The following SYNE1 variants were observed in gnomAD, a reference collection of about 807,000 sequenced individuals.
SYNE1 encodes spectrin repeat containing nuclear envelope protein 1.
A neutral mutation model predicts 1,111.0 loss-of-function variants in SYNE1; 616 were observed. That is an observed-to-expected ratio of 0.55 (90% CI 0.52 to 0.59). The LOEUF (loss-of-function observed/expected upper bound fraction) is 0.59, where lower values mean the gene tolerates loss of function less well. Among genes scored for constraint, SYNE1 ranks in the 20% least tolerant of loss-of-function variants. The pLI is 0.00. For missense variants in SYNE1, 10,006 were observed against 10,417.0 expected (o/e 0.96, Z 1.72); for synonymous variants, 3,855 against 3,825.8 (o/e 1.01, Z -0.28).
Position 152,413,462 on chromosome 6 carries a change from G to T in SYNE1, c.6120C>A (p.Asp2040Glu), listed in dbSNP as rs758366100. 8.7e-6 allele frequency: 14 copies of T among 1,614,120 alleles called. No individual in the cohort carries two copies. The highest frequency in any genetic ancestry group is 1.1e-5 in the Non-Finnish European group (13 of 1,180,014). The change falls in exon 42 of 146, where the codon GAC becomes GAA. Residue 2040 changes from aspartate (D) to glutamate (E), a missense_variant. This residue lies in a region of SYNE1 where 4,955 missense variants were observed against 5,017.2 expected (regional missense o/e 0.99). Coordinates refer to ENST00000367255, the MANE Select transcript of SYNE1 (RefSeq NM_182961.4). The stretch of plus-strand genomic sequence containing the variant: ...CTTTCTGGGCAATTTGCTTGGCTTT[G>T]TCTTTCAACCAACATAGTTCATGCT... ...SHEHELCWLK[D>E]KAKQIAQKDV...
chr6:152,591,720 G>A (rs962472294), intron 3 of SYNE1, among the ~76,000 whole-genome samples: 1 of 151,942 alleles, frequency 6.6e-6, no homozygotes, highest in Non-Finnish European at 1.5e-5. Flanking sequence ...AGAGCAAACA[G>A]GCATCCTACA....
chr6:152,593,615 A>G (rs2128546445), intron 3 of SYNE1, among the ~76,000 whole-genome samples: 1 of 151,842 alleles, frequency 6.6e-6, no homozygotes. Flanking sequence ...GACATAGAGG[A>G]CGGAAAACAT....
chr6:152,381,387 ACTG>A, intron 55 of SYNE1, 25 bp from the exon 56 acceptor site: 1 of 1,608,498 alleles, frequency 6.2e-7, no homozygotes, highest in Non-Finnish European at 8.5e-7. Flanking sequence ...CACCATGGTA[ACTG>A]AAGAGCCTGT....
intron 38 of SYNE1, 132 bp downstream of exon 38, chr6:152,427,561 A>G: frequency 8.9e-7 from 1 of 1,121,660 alleles, no homozygotes; most frequent in Non-Finnish European, 1.3e-6. Flanking sequence ...CCCTGATGTC[A>G]AATGATGCTT....
Position 152,577,914 on chromosome 6 carries a change from C to T in SYNE1, c.68-37893G>A, listed in dbSNP as rs796492905. ...TTACTTAGAAAGTAACAACCAGAAG[C>T]AAATGTTTCTTGGAATAACAAACTC... On this transcript the variant is annotated intron_variant, in intron 3 of 145. Coordinates refer to ENST00000367255, the MANE Select transcript of SYNE1 (RefSeq NM_182961.4). Among the ~76,000 whole-genome samples the T allele has an allele frequency of 2.6e-5, 4 of 152,172 alleles. No homozygotes were observed. The South Asian group carries it at 8.3e-4, about 32-fold the overall frequency.
intron 131 of SYNE1, among the ~76,000 whole-genome samples, chr6:152,163,105 G>C (rs2062857607): frequency 6.6e-6 from 1 of 152,194 alleles, no homozygotes. Context: ...AGTGTGGATA[G>C]AATATTCAAA....
intron 3 of SYNE1, among the ~76,000 whole-genome samples, chr6:152,604,920 C>T (rs1012745073): frequency 1.1e-4 from 16 of 144,532 alleles, no homozygotes; most frequent in African/African-American, 3.9e-4. Flanking sequence ...TGCCACTGCA[C>T]TCAAACAGTG....
chr6:152,352,833 T>C (rs1002012414), intron 69 of SYNE1, among the ~76,000 whole-genome samples: 1 of 152,250 alleles, frequency 6.6e-6, no homozygotes, highest in Non-Finnish European at 1.5e-5. Context: ...GGCTTCTTTA[T>C]TTCAATATAG....
intron 84 of SYNE1, 83 bp from the exon 85 acceptor site, chr6:152,319,098 A>G: frequency 1.9e-6 from 3 of 1,570,054 alleles, no homozygotes; most frequent in Admixed American, 1.8e-5. Context: ...GATGTTGACA[A>G]GACACATTTT....
Position 152,344,162 on chromosome 6 carries a change from G to A in SYNE1, c.12144C>T (p.Cys4048=), listed in dbSNP as rs769563170. 2 of 1,614,190 alleles carry A rather than the reference G, an allele frequency of 1.2e-6. No individual in the cohort carries two copies. The highest frequency in any genetic ancestry group is 1.7e-6 in the Non-Finnish European group (2 of 1,180,026). The change falls in exon 74 of 146, where the codon TGC becomes TGT. Residue 4048 remains cysteine (C), a synonymous_variant. Transcript: ENST00000367255. ...HVSRQDTLQQ[C]QAWLSAVQPD... ...GCTGGACTGCAGAAAGCCAGGCCTG[G>A]CACTGCTGCAGGGTGTCTTGTCGGC... is the stretch of plus-strand genomic sequence containing the variant.
At chr6:152,243,439 A>C (rs2086275959) in intron 106 of SYNE1, among the ~76,000 whole-genome samples, 1 of 152,206 alleles carries the variant, frequency 6.6e-6, no homozygotes, top group Admixed American at 6.5e-5. Context: ...CACACCAAAC[A>C]CAAAATTTAT....
chr6:152,582,081 CA>C (rs1194256462), intron 3 of SYNE1, among the ~76,000 whole-genome samples: 1 of 152,112 alleles, frequency 6.6e-6, no homozygotes, highest in African/African-American at 2.4e-5. Flanking sequence ...GTATGACATA[CA>C]GCTTGCTTCT....
intron 131 of SYNE1, among the ~76,000 whole-genome samples, chr6:152,160,266 T>C (rs147040507): frequency 3.8e-4 from 57 of 151,942 alleles, no homozygotes; most frequent in African/African-American, 1.3e-3. Flanking sequence ...TTTACAATCC[T>C]CTCTCTCTCT....
At chr6:152,572,157 A>G (rs2099464306) in intron 3 of SYNE1, among the ~76,000 whole-genome samples, 1 of 152,182 alleles carries the variant, frequency 6.6e-6, no homozygotes, top group Non-Finnish European at 1.5e-5. Flanking sequence ...TCTGAGTGAT[A>G]TTTCTATTGT....
In SYNE1 at chr6:152,373,349, G is replaced by A. The variant is rs181933296; in HGVS notation, c.9325-130C>T. The A allele has an allele frequency of 9.3e-5, 75 of 807,044 alleles. 1 individual carries two copies. Among genetic ancestry groups the A allele is most frequent in the Middle Eastern group, 7.5e-4 (2 of 2,666 alleles). The allele number at this position is 807,044 out of a possible 1,614,324, so 50.0% of individuals were successfully genotyped here. On this transcript the variant is annotated intron_variant, in intron 58 of 145. Transcript: ENST00000367255. Reference sequence around the variant, plus strand: ...GGCTGGAGTGCAGTAGTGCGATCTCGGCTCACTGCAGCCTCCGTCTTCTGC... The same window carrying A: ...GGCTGGAGTGCAGTAGTGCGATCTCAGCTCACTGCAGCCTCCGTCTTCTGC...
Position 152,463,462 on chromosome 6 carries a change from G to A in SYNE1, c.1988C>T (p.Ala663Val), listed in dbSNP as rs766861097. 1.2e-6 allele frequency: 2 copies of A among 1,613,672 alleles called. No homozygotes were observed. Among genetic ancestry groups the A allele is most frequent in the Non-Finnish European group, 1.7e-6 (2 of 1,179,744 alleles). The part of the protein sequence containing the change: ...WIQQHTAMND[A>V]GNFLIETCDE... ...ACAGGTTTCAATTAGAAAATTGCCAGCATCGTTCATGGCAGTATGCTGCTG... is the reference window on the plus strand; with the variant it reads ...ACAGGTTTCAATTAGAAAATTGCCAACATCGTTCATGGCAGTATGCTGCTG... The change falls in exon 19 of 146, where the codon GCT becomes GTT. Residue 663 changes from alanine (A) to valine (V), a missense_variant. By Grantham distance (64) the Ala-to-Val change is moderately conservative. Around this residue, in one of 7 missense-constraint regions of SYNE1, gnomAD observed 1,971 missense variants for 2,084.1 expected, o/e 0.95. Transcript: ENST00000367255.
chr6:152,360,583 A>G (rs1330001277), intron 64 of SYNE1, among the ~76,000 whole-genome samples: 1 of 151,970 alleles, frequency 6.6e-6, no homozygotes, highest in Non-Finnish European at 1.5e-5. Context: ...AAAATTATTT[A>G]TTTGTACATT....
chr6:152,441,374 C>A, intron 31 of SYNE1, 104 bp from the exon 32 acceptor site: 1 of 1,221,868 alleles, frequency 8.2e-7, no homozygotes, highest in South Asian at 1.3e-5. Flanking sequence ...ATTCTCATTT[C>A]AAATTTCACA....
intron 3 of SYNE1, among the ~76,000 whole-genome samples, chr6:152,609,138 G>A (rs560291728): frequency 4.6e-5 from 7 of 152,110 alleles, no homozygotes; most frequent in South Asian, 2.1e-4. Flanking sequence ...TGCAGCCCAC[G>A]GAGGGTGAGC....
Sources: allele counts gnomAD v4.1 joint callset (sites outside exome capture counted in the v4.1 genomes callset), GRCh38; gene constraint gnomAD v4.1.1; regional missense constraint gnomAD v4.1.1; transcripts MANE v1.5; gene names NCBI Gene and HGNC (gene_info 2026-07-23, HGNC 2026-07-21).